TCERG1: variants seen among roughly 807,000 people sequenced by gnomAD.
The protein encoded by TCERG1 is TATA box binding protein (TBP)-associated factor, RNA polymerase II, S, 150kD.
Under a neutral mutation model 144.7 loss-of-function variants are expected in TCERG1, and 37 were observed. The ratio of observed to expected loss-of-function variants is 0.26; its 90% CI spans 0.20 to 0.34. The LOEUF is 0.34. Among genes scored for constraint, TCERG1 ranks in the 10% least tolerant of loss-of-function variants. The probability of loss-of-function intolerance (pLI) is 1.00; values close to 1 mark genes in which losing one functional copy is unlikely to be tolerated. For missense variants in TCERG1, 1,027 were observed against 1,380.7 expected (o/e 0.74, Z 4.06); for synonymous variants, 492 against 458.2 (o/e 1.07, Z -0.94).
chr5:146,510,187 C>A (rs1021891939), intron 22 of TCERG1: 7 of 970,100 alleles, frequency 7.2e-6, no homozygotes, highest in Non-Finnish European at 1.0e-5. Flanking sequence ...ATTTACCCAC[C>A]CACCCTCAGC....
intron 16 of TCERG1, 99 bp downstream of exon 16, chr5:146,493,137 C>A: frequency 1.2e-6 from 1 of 838,492 alleles, no homozygotes. Context: ...ACTATTTGGG[C>A]ACTAAAAGCT....
chr5:146,478,413 C>T (rs2150506032), intron 9 of TCERG1, 80 bp from the exon 10 acceptor site: 2 of 1,407,890 alleles, frequency 1.4e-6, no homozygotes, highest in Non-Finnish European at 1.9e-6. Flanking sequence ...CATCTCCCTA[C>T]TTGTAACAGG....
In TCERG1 at chr5:146,457,165, G is replaced by A. The variant is rs765144199; in HGVS notation, c.286-18G>A. ...AAAAGTAATTAAAGTGACCATTACT[G>A]TTTTTGTGAATTAACAGAGACCACC... On this transcript the variant is annotated intron_variant, in intron 2 of 22. Transcript: ENST00000679501. The A allele has an allele frequency of 1.2e-6, 2 of 1,609,046 alleles. No individual in the cohort carries two copies. Among genetic ancestry groups the A allele is most frequent in the South Asian group, 2.2e-5 (2 of 90,102 alleles).
chr5:146,457,108 C>A, intron 2 of TCERG1, 75 bp from the exon 3 acceptor site: 1 of 1,552,132 alleles, frequency 6.4e-7, no homozygotes, highest in South Asian at 1.2e-5. Context: ...CAGTGTTTTA[C>A]TTTTGAATAG....
At chr5:146,485,566 T>C (rs1298804911) in intron 15 of TCERG1, among the ~76,000 whole-genome samples, 1 of 152,218 alleles carries the variant, frequency 6.6e-6, no homozygotes, top group Non-Finnish European at 1.5e-5. Flanking sequence ...TTTGAAGCAT[T>C]CTATAAGCTG....
At chr5:146,483,103 A>T (rs1561676501) in intron 14 of TCERG1, among the ~76,000 whole-genome samples, 1 of 152,108 alleles carries the variant, frequency 6.6e-6, no homozygotes, top group South Asian at 2.1e-4. Flanking sequence ...ATACTTTGTG[A>T]TATTATTATT....
chr5:146,501,316 A>G (rs1767426466), intron 17 of TCERG1, among the ~76,000 whole-genome samples: 1 of 150,060 alleles, frequency 6.7e-6, no homozygotes, highest in Non-Finnish European at 1.5e-5. Context: ...TTTGACATTT[A>G]TGCAGCTGTC....
chr5:146,447,528 G>C (rs13181080), intron 1 of TCERG1, 120 bp downstream of exon 1: 1 of 1,290,192 alleles, frequency 7.8e-7, no homozygotes, highest in African/African-American at 1.5e-5. Context: ...GGCCCGGGCC[G>C]GGACCGCATG....
chr5:146,481,104 T>G, intron 12 of TCERG1, 46 bp from the exon 13 acceptor site: 4 of 950,670 alleles, frequency 4.2e-6, no homozygotes, highest in Non-Finnish European at 5.0e-6. Flanking sequence ...TTTTAATTGT[T>G]TGTTCTTATA....
At chr5:146,465,724 T>G (rs1763718835) in intron 5 of TCERG1, among the ~76,000 whole-genome samples, 1 of 151,786 alleles carries the variant, frequency 6.6e-6, no homozygotes. Context: ...TTGGAGAGAG[T>G]GAGTGTCATA....
intron 1 of TCERG1, 31 bp downstream of exon 1, chr5:146,447,439 G>A (rs779432680): frequency 7.5e-6 from 12 of 1,600,934 alleles, no homozygotes; most frequent in Admixed American, 5.2e-5. Flanking sequence ...TCACATCTCT[G>A]CTCACGAGAG....
In TCERG1 at chr5:146,459,248, C is replaced by T; in HGVS notation, c.803C>T (p.Pro268Leu). 1 of 1,614,286 alleles carries T rather than the reference C, an allele frequency of 6.2e-7. No individual in the cohort carries two copies. The highest frequency in any genetic ancestry group is 8.5e-7 in the Non-Finnish European group (1 of 1,180,048). The change falls in exon 4 of 23, where the codon CCT (proline) becomes CTT (leucine). Residue 268 changes from proline to leucine, a missense_variant. By Grantham distance (98) the Pro-to-Leu change is moderately conservative. Around this residue, in one of 6 missense-constraint regions of TCERG1, gnomAD observed 187 missense variants for 169.1 expected, o/e 1.11. Transcript: ENST00000679501. ...ACCCCTACGACCAGTAGCCCAGCAC[C>T]TGCAGTATCCACTTCAACATCATCA... Reference protein sequence around the residue: ...ASTPTTSSPAPAVSTSTSSST... With the variant: ...ASTPTTSSPALAVSTSTSSST...
chr5:146,455,969 A>G (rs1411117622), intron 2 of TCERG1, among the ~76,000 whole-genome samples: 3 of 152,200 alleles, frequency 2.0e-5, no homozygotes, highest in Admixed American at 2.0e-4. Flanking sequence ...CTTTTTGAGT[A>G]TGTATCTATG....
Position 146,507,874 on chromosome 5 carries a change from T to C in TCERG1, c.2963T>C (p.Ile988Thr). 6.2e-7 allele frequency: 1 copy of C among 1,605,020 alleles called. No homozygotes were observed. The highest frequency in any genetic ancestry group is 8.5e-7 in the Non-Finnish European group (1 of 1,174,936). ...FRQLLDETSA[I>T]TLTSTWKEVK... is the part of the protein sequence containing the mutation. Reference sequence around the variant, plus strand: ...TTTTTTATTCATGTCTTTTCAAAGATTACCTTAACATCCACGTGGAAAGAA... The same window carrying C: ...TTTTTTATTCATGTCTTTTCAAAGACTACCTTAACATCCACGTGGAAAGAA... Residue 988 changes from isoleucine to threonine, a missense_variant and splice_region_variant, in exon 21 of 23, where the codon ATT (isoleucine) becomes ACT (threonine). Ile to Thr is a moderately conservative substitution (Grantham distance 89). Coordinates refer to ENST00000679501, the MANE Select transcript of TCERG1 (RefSeq NM_001382548.1). This position sits in a 1 kb window ranked among gnomAD's most constrained non-coding sequence, Gnocchi z 4.6.
At chr5:146,451,970 T>G (rs557186745) in intron 1 of TCERG1, among the ~76,000 whole-genome samples, 11 of 151,742 alleles carry the variant, frequency 7.2e-5, no homozygotes, top group Admixed American at 6.6e-4. Flanking sequence ...GTATTTTTAA[T>G]AGACTCAGGG....
chr5:146,464,368 T>C (rs1763595643), intron 5 of TCERG1, among the ~76,000 whole-genome samples: 2 of 152,174 alleles, frequency 1.3e-5, no homozygotes, highest in Non-Finnish European at 2.9e-5. Flanking sequence ...AAAATGTGAG[T>C]GATTTAACTA....
intron 15 of TCERG1, among the ~76,000 whole-genome samples, chr5:146,489,290 G>A (rs1203721358): frequency 3.3e-5 from 5 of 152,014 alleles, no homozygotes; most frequent in South Asian, 4.2e-4. Context: ...AACACATTTC[G>A]ATTGCACATG....
chr5:146,479,707 G>A, intron 10 of TCERG1, 148 bp from the exon 11 acceptor site: 1 of 678,074 alleles, frequency 1.5e-6, no homozygotes. Flanking sequence ...ATAAATAGAG[G>A]AAGTGTAGAA....
At chr5:146,494,250 T>A (rs1271924526) in intron 16 of TCERG1, among the ~76,000 whole-genome samples, 1 of 152,066 alleles carries the variant, frequency 6.6e-6, no homozygotes, top group Non-Finnish European at 1.5e-5. Flanking sequence ...ATTAGTAATT[T>A]TCTTGGGTAT....
Sources: allele counts gnomAD v4.1 joint callset (sites outside exome capture counted in the v4.1 genomes callset), GRCh38; gene constraint gnomAD v4.1.1; regional missense constraint gnomAD v4.1.1; non-coding constraint Gnocchi (gnomAD v3.1); transcripts MANE v1.5; gene names NCBI Gene and HGNC (gene_info 2026-07-23, HGNC 2026-07-21).